Variants in KCNAB2 observed in about 807,000 individuals in gnomAD.
KCNAB2 encodes the protein voltage-gated potassium channel subunit beta-2.
In KCNAB2, 29 loss-of-function variants were observed where a neutral mutation model predicts 63.6. That is an observed-to-expected ratio of 0.46 (90% confidence interval 0.34 to 0.62). KCNAB2 has a LOEUF of 0.62. Ranked by LOEUF, KCNAB2 falls within the 20% of genes least tolerant of loss-of-function variation. The pLI is 0.01. For synonymous variants in KCNAB2, 222 were observed against 224.2 expected, an observed-to-expected ratio of 0.99 and a Z score of 0.09; for missense variants, 359 against 563.9, an observed-to-expected ratio of 0.64 and a Z score of 3.68.
At position 6,069,834 on chromosome 1, in the gene KCNAB2, G is replaced by A. The variant is rs186212220; in HGVS notation, c.219-2921G>A. 1.6e-3 allele frequency among the ~76,000 whole-genome samples: 244 copies of A among 152,346 alleles called. No individual in the cohort carries two copies. Among genetic ancestry groups the A allele is most frequent in the South Asian group, 0.014 (66 of 4,824 alleles). On this transcript the variant is annotated intron_variant, in intron 2 of 15. Coordinates refer to ENST00000378083, the MANE Select transcript of KCNAB2 (RefSeq NM_001199862.2). The surrounding 1 kb of genome is among the most constrained non-coding windows in gnomAD (Gnocchi z 5.4). The stretch of plus-strand genomic sequence containing the variant: ...GAAACAAGTTGAGCAGGGTAATTGC[G>A]GCATCACGTGGTGCCCTAGTTTTGT...
chr1:6,052,946 A>G (rs777329633), intron 2 of KCNAB2, among the ~76,000 whole-genome samples: 12 of 152,018 alleles, frequency 7.9e-5, no homozygotes, highest in Non-Finnish European at 1.5e-4. Context: ...TCTGAGACAG[A>G]CCCTAGGGAT....
intron 1 of KCNAB2, chr1:6,027,435 TG>T (rs1236931006): frequency 2.6e-5 from 4 of 152,222 alleles, no homozygotes; most frequent in African/African-American, 9.7e-5. Context: ...TGTGCAGCAC[TG>T]GGGTACCCAC....
At chr1:6,084,077 C>T (rs1264329318) in intron 5 of KCNAB2, among the ~76,000 whole-genome samples, 1 of 152,226 alleles carries the variant, frequency 6.6e-6, no homozygotes, top group Non-Finnish European at 1.5e-5. Context: ...AGAGCGCATG[C>T]TAAACAGCTT....
chr1:6,058,723 C>T (rs535171342), intron 2 of KCNAB2, among the ~76,000 whole-genome samples: 226 of 152,308 alleles, frequency 1.5e-3, no homozygotes, highest in African/African-American at 4.4e-3. Flanking sequence ...AGACAAGGGG[C>T]GGAGGCATCA....
At chr1:6,085,760 C>T (rs1287901604) in intron 6 of KCNAB2, 3 of 883,408 alleles carry the variant, frequency 3.4e-6, no homozygotes, top group African/African-American at 1.8e-5. Flanking sequence ...GCGTCTCAGC[C>T]TCTCCGGAGC....
intron 6 of KCNAB2, chr1:6,085,926 G>T: frequency 4.1e-6 from 4 of 985,510 alleles, no homozygotes; most frequent in Middle Eastern, 1.0e-3. Flanking sequence ...AGACCGGGGA[G>T]CGGTCCCCGG....
chr1:6,088,111 G>C (rs1304316534), intron 7 of KCNAB2, among the ~76,000 whole-genome samples: 3 of 151,910 alleles, frequency 2.0e-5, no homozygotes, highest in Non-Finnish European at 4.4e-5. Flanking sequence ...CCAGGTTGGA[G>C]CGCAGTGCCA....
In KCNAB2 at chr1:5,994,612, G is replaced by T. The variant is rs2102525224; in HGVS notation, c.-53+1824G>T. Among the ~76,000 whole-genome samples the T allele has an allele frequency of 6.6e-6, 1 of 152,298 alleles. No homozygotes were observed. The highest frequency in any genetic ancestry group is 6.5e-5 in the Admixed American group (1 of 15,308). ...GGCTGAGCCAGGCACTGGAGTTGGG[G>T]GGTGTCGTGAAAAAGTGTGAAACCC... On this transcript the variant is annotated intron_variant, in intron 1 of 16. Coordinates refer to the KCNAB2 transcript ENST00000341524. This position sits in a 1 kb window ranked among gnomAD's most constrained non-coding sequence, Gnocchi z 5.4.
upstream of KCNAB2, among the ~76,000 whole-genome samples, chr1:6,042,771 G>A (rs1017154002): frequency 6.6e-6 from 1 of 151,782 alleles, no homozygotes; most frequent in Non-Finnish European, 1.5e-5. Context: ...CGTTGCCAAT[G>A]TGCCAGGCAG....
At position 6,097,470 on chromosome 1, in the gene KCNAB2, C is replaced by T. The variant is rs1535032; in HGVS notation, c.1158+113C>T. 27 of 1,520,932 alleles carry T rather than the reference C, an allele frequency of 1.8e-5. 1 individual carries two copies. Among genetic ancestry groups the T allele is most frequent in the Non-Finnish European group, 2.1e-5 (24 of 1,130,702 alleles). 94.2% of individuals were successfully genotyped at this position (1,520,932 alleles called of 1,614,324 possible). A position where few individuals can be genotyped will look rare whatever the true frequency, so the allele number is the denominator to read the frequency against. On this transcript the variant is annotated intron_variant, in intron 15 of 15. Coordinates refer to ENST00000378083, the MANE Select transcript of KCNAB2 (RefSeq NM_001199862.2). ...GGCTCTGTTCTAGGCACTCAGGATGCGCCCGTGAACCATCAGAGTTGTGCT... is the reference window on the plus strand; with the variant it reads ...GGCTCTGTTCTAGGCACTCAGGATGTGCCCGTGAACCATCAGAGTTGTGCT...
chr1:6,057,004 G>C (rs971923572), intron 2 of KCNAB2, among the ~76,000 whole-genome samples: 1 of 151,810 alleles, frequency 6.6e-6, no homozygotes, highest in African/African-American at 2.4e-5. Context: ...AGCTTTGTCT[G>C]TCCCTGGCAC....
upstream of KCNAB2, among the ~76,000 whole-genome samples, chr1:6,042,675 C>A (rs563697359): frequency 6.6e-6 from 1 of 152,318 alleles, no homozygotes; most frequent in East Asian, 1.9e-4. Context: ...GCAGCAGGTC[C>A]CTGGTATGCA....
intron 2 of KCNAB2, among the ~76,000 whole-genome samples, chr1:6,062,051 G>A (rs1437420073): frequency 2.0e-5 from 3 of 152,086 alleles, no homozygotes; most frequent in East Asian, 3.9e-4. Context: ...GGTGGCTCAC[G>A]CCTGTAATCC....
chr1:6,039,894 A>T (rs1256219958), intron 1 of KCNAB2, among the ~76,000 whole-genome samples: 2 of 152,228 alleles, frequency 1.3e-5, no homozygotes, highest in African/African-American at 4.8e-5. Context: ...CAGAAGTGAC[A>T]GTCTTGCCAT....
chr1:6,047,790 G>A (rs759229762), intron 1 of KCNAB2, among the ~76,000 whole-genome samples: 66 of 152,310 alleles, frequency 4.3e-4, no homozygotes, highest in Non-Finnish European at 5.9e-4. Context: ...GGAGTCCAGC[G>A]GCCATGGGCT....
intron 2 of KCNAB2, 81 bp downstream of exon 2, chr1:6,051,835 G>T (rs1661423949): frequency 7.1e-7 from 1 of 1,415,076 alleles, no homozygotes; most frequent in Non-Finnish European, 9.4e-7. Flanking sequence ...TGGGCACGGT[G>T]GTTCACACCT....
rs1175333860 is a variant in KCNAB2, at chr1:6,078,053, G to A, written c.301-4142G>A. Among the ~76,000 whole-genome samples the A allele has an allele frequency of 6.7e-6, 1 of 149,410 alleles. No homozygotes were observed. The highest frequency in any genetic ancestry group is 1.5e-5 in the Non-Finnish European group (1 of 67,560). The stretch of plus-strand genomic sequence containing the variant: ...GGCCGGGCTTCCTTCTCCCGGCCAG[G>A]ACCTTTCCCGGCCTAAGTCCAGGAG... On this transcript the variant is annotated intron_variant, in intron 4 of 15. Coordinates refer to ENST00000378083, the MANE Select transcript of KCNAB2 (RefSeq NM_001199862.2). This position sits in a 1 kb window ranked among gnomAD's most constrained non-coding sequence, Gnocchi z 4.2.
At chr1:6,013,470 C>T (rs1329381217) in intron 1 of KCNAB2, among the ~76,000 whole-genome samples, 1 of 152,166 alleles carries the variant, frequency 6.6e-6, no homozygotes, top group African/African-American at 2.4e-5. Context: ...CAATCCAGGG[C>T]TGGGGAGGAG....
chr1:6,030,987 G>T (rs1659587908), upstream of KCNAB2, among the ~76,000 whole-genome samples: 1 of 151,870 alleles, frequency 6.6e-6, no homozygotes, highest in Non-Finnish European at 1.5e-5. Flanking sequence ...GGACATGGAT[G>T]CTGGGAGAAG....
Sources: allele counts gnomAD v4.1 joint callset (sites outside exome capture counted in the v4.1 genomes callset), GRCh38; gene constraint gnomAD v4.1.1; non-coding constraint Gnocchi (gnomAD v3.1); transcripts MANE v1.5; gene names NCBI Gene and HGNC (gene_info 2026-07-23, HGNC 2026-07-21).